Variants in RNF213 observed in about 807,000 individuals in gnomAD.
RNF213 encodes the protein ring finger protein 213.
In RNF213, 341 loss-of-function variants were observed where a neutral mutation model predicts 514.4. That is an observed-to-expected ratio of 0.66 (90% CI 0.61 to 0.73). The LOEUF (loss-of-function observed/expected upper bound fraction) is 0.73, where lower values mean the gene tolerates loss of function less well. Ranked by LOEUF, RNF213 falls within the 30% of genes least tolerant of loss-of-function variation. The probability of loss-of-function intolerance (pLI) is 0.00; values close to 1 mark genes in which losing one functional copy is unlikely to be tolerated. For missense variants in RNF213, 5,767 were observed against 6,615.6 expected, an observed-to-expected ratio of 0.87 and a Z score of 4.45; for synonymous variants, 2,655 against 2,658.2, an observed-to-expected ratio of 1.00 and a Z score of 0.04.
intron 26 of RNF213, 46 bp downstream of exon 26, chr17:80,340,402 C>A: frequency 6.6e-7 from 1 of 1,525,486 alleles, no homozygotes. Context: ...CCAGGGACTG[C>A]CCGGGGCCCT....
chr17:80,298,574 T>C, intron 11 of RNF213, 56 bp downstream of exon 11: 1 of 1,596,230 alleles, frequency 6.3e-7, no homozygotes, highest in East Asian at 2.2e-5. Flanking sequence ...ACTCCTACAT[T>C]GTGCACCCGG....
chr17:80,353,763 G>T lies in RNF213; in HGVS notation c.10578+97G>T. 6.5e-7 allele frequency: 1 copy of T among 1,526,812 alleles called. No homozygotes were observed. The highest frequency in any genetic ancestry group is 9.1e-7 in the Non-Finnish European group (1 of 1,103,226). 94.6% of individuals were successfully genotyped at this position (1,526,812 alleles called of 1,614,324 possible). ...TGCATTGGGAGCTAGAGGAGTCGCC[G>T]CCGCTGTGCAGGGGTGAGGATGGCG... On this transcript the variant is annotated intron_variant, in intron 34 of 67. Transcript: ENST00000582970. The surrounding 1 kb of genome is among the most constrained non-coding windows in gnomAD (Gnocchi z 5.0).
chr17:80,341,001 C>T (rs1446396106), intron 26 of RNF213: 2 of 152,682 alleles, frequency 1.3e-5, no homozygotes, highest in East Asian at 3.8e-4. Context: ...GATGTGGCTT[C>T]ACCGTGTTAG....
chr17:80,265,036 G>GTTGTT (rs1555635700), intron 2 of RNF213, among the ~76,000 whole-genome samples: 2 of 133,204 alleles, frequency 1.5e-5, no homozygotes, highest in Admixed American at 1.5e-4. Flanking sequence ...GTCCTTCCAT[G>GTTGTT]TTTGTTTGTT....
Position 80,370,124 on chromosome 17 carries a change from G to A in RNF213, c.12425+257G>A, listed in dbSNP as rs572494891. 6.0e-4 allele frequency among the ~76,000 whole-genome samples: 91 copies of A among 152,322 alleles called. 1 individual carries two copies. In the South Asian group the frequency reaches 0.018, roughly 30 times the overall value. On this transcript the variant is annotated intron_variant, in intron 46 of 67. Transcript: ENST00000582970. ...AGTGCCGTGAAGGGACCACAGTGGC[G>A]TGAGGGACATGGAACTCAAGAGGCC...
Position 80,288,796 on chromosome 17 carries a change from C to T in RNF213, c.933+41C>T. ...GCCTGCCGGCTCCAGGAGGCCCTCT[C>T]CTGCCCACGGCTGCGCCTCTTTCAT... is the stretch of plus-strand genomic sequence containing the variant. On this transcript the variant is annotated intron_variant, in intron 5 of 67. Transcript: ENST00000582970. The surrounding 1 kb of genome is among the most constrained non-coding windows in gnomAD (Gnocchi z 4.9). 2 of 1,613,612 alleles carry T rather than the reference C, an allele frequency of 1.2e-6. No individual in the cohort carries two copies. Among genetic ancestry groups the T allele is most frequent in the Non-Finnish European group, 1.7e-6 (2 of 1,180,032 alleles).
chr17:80,360,763 C>T (rs903594976), intron 38 of RNF213, among the ~76,000 whole-genome samples: 3 of 152,198 alleles, frequency 2.0e-5, no homozygotes, highest in Non-Finnish European at 4.4e-5. Context: ...AACGACAACG[C>T]AACACTTTTA....
intron 17 of RNF213, 93 bp downstream of exon 17, chr17:80,319,405 C>G: frequency 6.2e-7 from 1 of 1,614,226 alleles, no homozygotes; most frequent in Non-Finnish European, 8.5e-7. Context: ...CGCTGGGTCT[C>G]AGCTCCTCCG....
chr17:80,327,270 G>C (rs1203648633), intron 18 of RNF213, among the ~76,000 whole-genome samples: 1 of 152,232 alleles, frequency 6.6e-6, no homozygotes, highest in Admixed American at 6.5e-5. Context: ...GGCCAAGGCG[G>C]GAGGATCTCT....
At chr17:80,308,294 C>CACTGT (rs1402137638) in intron 13 of RNF213, among the ~76,000 whole-genome samples, 1 of 152,046 alleles carries the variant, frequency 6.6e-6, no homozygotes, top group Non-Finnish European at 1.5e-5. Flanking sequence ...ATCTCCCCAC[C>CACTGT]ACTGTGTGTC....
At chr17:80,351,467 C>T (rs145888815) in intron 31 of RNF213, among the ~76,000 whole-genome samples, 2 of 152,190 alleles carry the variant, frequency 1.3e-5, no homozygotes, top group Admixed American at 1.3e-4. Flanking sequence ...GAAAACGAGC[C>T]GCTAAGAGAA....
intron 17 of RNF213, among the ~76,000 whole-genome samples, chr17:80,323,407 G>A (rs2046196939): frequency 6.6e-6 from 1 of 152,178 alleles, no homozygotes; most frequent in Admixed American, 6.5e-5. Context: ...GAATCAGTAT[G>A]TCAGTTTCCA....
chr17:80,378,921 C>A (rs1039204791), intron 54 of RNF213, among the ~76,000 whole-genome samples: 1 of 152,108 alleles, frequency 6.6e-6, no homozygotes, highest in Non-Finnish European at 1.5e-5. Context: ...CACCTGTAAT[C>A]CCAGCACTTC....
intron 64 of RNF213, 84 bp downstream of exon 64, chr17:80,388,773 T>C (rs2080342077): frequency 9.2e-7 from 1 of 1,084,982 alleles, no homozygotes; most frequent in Non-Finnish European, 1.4e-6. Flanking sequence ...ACTCCAGCCT[T>C]GCCCCGGGTG....
rs959879255 is a variant in RNF213 at position 80,357,491 on chromosome 17, G to A, written c.10863-797G>A. 3.9e-5 allele frequency among the ~76,000 whole-genome samples: 6 copies of A among 152,200 alleles called. No individual in the cohort carries two copies. In the South Asian group the frequency reaches 1.2e-3, roughly 32 times the overall value. On this transcript the variant is annotated intron_variant, in intron 36 of 67. Transcript: ENST00000582970. ...CAAATACTTAGTTCCAGATAAACAT[G>A]TGCCTTCTTGTTTAGTTTGATCTGG...
In RNF213 at chr17:80,375,861, C is replaced by G. The variant is rs201656916; in HGVS notation, c.13176C>G (p.Pro4392=). ...LYRSHNASLH[P]TPEQCEAVSK... is the part of the protein sequence containing the mutation. ...GATCCCACAATGCAAGCCTCCACCC[C>G]ACGCCAGAGGTGAGTAACCGCCTGC... Residue 4392 remains proline (P), a synonymous_variant, in exon 51 of 68, where the codon CCC becomes CCG. Transcript: ENST00000582970. The G allele has an allele frequency of 4.0e-5, 65 of 1,610,378 alleles. No homozygotes were observed. The highest frequency in any genetic ancestry group is 8.5e-6 in the Non-Finnish European group (10 of 1,176,670).
chr17:80,310,794 C>T (rs531290956), intron 14 of RNF213, among the ~76,000 whole-genome samples: 200 of 152,330 alleles, frequency 1.3e-3, no homozygotes, highest in Admixed American at 4.4e-3. Flanking sequence ...TCAGGTGATT[C>T]GCCTGCCTCA....
chr17:80,319,779 C>T (rs1209152581), intron 17 of RNF213: 1 of 1,253,356 alleles, frequency 8.0e-7, no homozygotes, highest in Non-Finnish European at 1.0e-6. Flanking sequence ...GAGATTGTGC[C>T]CCCCTGTCTC....
intron 14 of RNF213, 26 bp downstream of exon 14, chr17:80,309,197 T>G: frequency 1.2e-6 from 2 of 1,614,016 alleles, no homozygotes; most frequent in Non-Finnish European, 1.7e-6. Context: ...ACACAAGGTA[T>G]CACACCCGGG....
Sources: allele counts gnomAD v4.1 joint callset (sites outside exome capture counted in the v4.1 genomes callset), GRCh38; gene constraint gnomAD v4.1.1; non-coding constraint Gnocchi (gnomAD v3.1); transcripts MANE v1.5; gene names NCBI Gene and HGNC (gene_info 2026-07-23, HGNC 2026-07-21).